The following ZNF777 variants were observed in gnomAD, a reference collection of about 807,000 sequenced individuals.
The protein encoded by ZNF777 is zinc finger protein 777.
In ZNF777, 7 loss-of-function variants were observed where a neutral mutation model predicts 72.1. That is an observed-to-expected ratio of 0.10 (90% CI 0.06 to 0.18). The LOEUF is 0.18. ZNF777 is among the 10% of genes least tolerant of loss of function. ZNF777 has a pLI of 1.00. For synonymous variants in ZNF777, 545 were observed against 483.5 expected (o/e 1.13, Z -1.67); for missense variants, 828 against 1,128.6 (o/e 0.73, Z 3.82).
At chr7:149,454,268 C>T (rs760045552) in intron 2 of ZNF777, 31 bp from the exon 3 acceptor site, 8 of 1,612,748 alleles carry the variant, frequency 5.0e-6, no homozygotes, top group African/African-American at 4.0e-5. Flanking sequence ...GGCTCAGACC[C>T]GCTGGAAGGC....
chr7:149,442,676 G>C (rs1023515996), intron 4 of ZNF777, among the ~76,000 whole-genome samples: 4 of 150,328 alleles, frequency 2.7e-5, no homozygotes, highest in Non-Finnish European at 4.4e-5. Flanking sequence ...CATACTGTTA[G>C]ACAAGAGCTA....
Position 149,436,902 on chromosome 7 carries a change from C to T in ZNF777, c.1088-76G>A. 2 of 1,526,272 alleles carry T rather than the reference C, an allele frequency of 1.3e-6. No homozygotes were observed. Among genetic ancestry groups the T allele is most frequent in the South Asian group, 2.5e-5 (2 of 79,812 alleles). 94.5% of individuals were successfully genotyped at this position (1,526,272 alleles called of 1,614,324 possible). A position where few individuals can be genotyped will look rare whatever the true frequency, so the allele number is the denominator to read the frequency against. ...ATGCCAACTGCCCAGGTTTCTGCAG[C>T]CCTACAATTTACATCTCAATAAGTC... On this transcript the variant is annotated intron_variant, in intron 4 of 5. Coordinates refer to ENST00000247930, the MANE Select transcript of ZNF777 (RefSeq NM_015694.3). The surrounding 1 kb of genome is among the most constrained non-coding windows in gnomAD (Gnocchi z 5.0).
intron 4 of ZNF777, among the ~76,000 whole-genome samples, chr7:149,449,820 C>T (rs1799682343): frequency 6.6e-6 from 1 of 152,176 alleles, no homozygotes; most frequent in African/African-American, 2.4e-5. Flanking sequence ...TAGCCCCTCT[C>T]CTCGAGTTAA....
Position 149,455,061 on chromosome 7 carries a change from G to A in ZNF777, c.846+116C>T. On this transcript the variant is annotated intron_variant, in intron 2 of 5. Coordinates refer to ENST00000247930, the MANE Select transcript of ZNF777 (RefSeq NM_015694.3). The surrounding 1 kb of genome is among the most constrained non-coding windows in gnomAD (Gnocchi z 4.2). ...GATTTTGGCATGTCCTAGCAACTGG[G>A]ATCACTGTATTTTTTCCTTTATCAA... The A allele has an allele frequency of 7.0e-6, 9 of 1,292,142 alleles. No individual in the cohort carries two copies. Among genetic ancestry groups the A allele is most frequent in the Non-Finnish European group, 9.6e-6 (9 of 937,474 alleles). 80.0% of individuals were successfully genotyped at this position (1,292,142 alleles called of 1,614,324 possible).
At chr7:149,445,899 T>G (rs116829665) in intron 4 of ZNF777, among the ~76,000 whole-genome samples, 5,589 of 152,232 alleles carry the variant, frequency 0.037, 249 homozygotes, top group African/African-American at 0.098. Flanking sequence ...TTTCCAGGGA[T>G]CCCTAGAGTC....
chr7:149,458,382 A>G (rs560584548), intron 1 of ZNF777, among the ~76,000 whole-genome samples: 5 of 152,186 alleles, frequency 3.3e-5, no homozygotes, highest in Non-Finnish European at 5.9e-5. Flanking sequence ...TAGGCACATT[A>G]CAGCCCTTGC....
intron 1 of ZNF777, among the ~76,000 whole-genome samples, chr7:149,457,689 T>C (rs1326363093): frequency 2.6e-5 from 4 of 152,226 alleles, no homozygotes; most frequent in Non-Finnish European, 4.4e-5. Flanking sequence ...TTTGAGATAG[T>C]ATCGTCTAAT....
chr7:149,460,035 T>A lies in ZNF777; in HGVS notation c.-16+780A>T, dbSNP rs1799916215. 1 of 977,284 alleles carries A rather than the reference T, an allele frequency of 1.0e-6. No individual in the cohort carries two copies. Among genetic ancestry groups the A allele is most frequent in the Admixed American group, 6.3e-5 (1 of 15,834 alleles). The allele number at this position is 977,284 out of a possible 1,614,324, so 60.5% of individuals were successfully genotyped here. ...GTAGCGTTTCTGCCCCTTACCGAGA[T>A]CCCAGGCCGGGCCGCCGAGCCCGGG... is the stretch of plus-strand genomic sequence containing the variant. On this transcript the variant is annotated intron_variant, in intron 1 of 5. Coordinates refer to ENST00000247930, the MANE Select transcript of ZNF777 (RefSeq NM_015694.3). This position sits in a 1 kb window ranked among gnomAD's most constrained non-coding sequence, Gnocchi z 6.1.
At position 149,436,718 on chromosome 7, in the gene ZNF777, T is replaced by C; in HGVS notation, c.1196A>G (p.Gln399Arg). ...LMGQVEEHGF[Q>R]DSELGDPCGE... ...ACAGGGGTCACCCAGCTCTGAGTCC[T>C]GGAAGCCGTGCTCTTCCACCTGTCC... The change falls in exon 5 of 6, where the codon CAG becomes CGG. Residue 399 changes from glutamine to arginine, a missense_variant. By Grantham distance (43) the Gln-to-Arg change is conservative. Around this residue, in one of 12 missense-constraint regions of ZNF777, gnomAD observed 219 missense variants for 223.0 expected, o/e 0.98. Transcript: ENST00000247930. This position sits in a 1 kb window ranked among gnomAD's most constrained non-coding sequence, Gnocchi z 5.0. 1.2e-6 allele frequency: 2 copies of C among 1,614,162 alleles called. No individual in the cohort carries two copies. Among genetic ancestry groups the C allele is most frequent in the Non-Finnish European group, 1.7e-6 (2 of 1,180,032 alleles).
chr7:149,436,998 T>G lies in ZNF777; in HGVS notation c.1088-172A>C, dbSNP rs1585689192. Among the ~76,000 whole-genome samples, 1 of 152,200 alleles carries G rather than the reference T, an allele frequency of 6.6e-6. No homozygotes were observed. Among genetic ancestry groups the G allele is most frequent in the African/African-American group, 2.4e-5 (1 of 41,432 alleles). Reference sequence around the variant, plus strand: ...GTAGACACAGAATTTTCTGGACACCTTGTAGCTTTGAATACCAATACAAAC... The same window carrying G: ...GTAGACACAGAATTTTCTGGACACCGTGTAGCTTTGAATACCAATACAAAC... On this transcript the variant is annotated intron_variant, in intron 4 of 5. Transcript: ENST00000247930. This position sits in a 1 kb window ranked among gnomAD's most constrained non-coding sequence, Gnocchi z 5.0.
At position 149,431,751 on chromosome 7, in the gene ZNF777, CGGGCGGCGGCGGCGG is replaced by C; in HGVS notation, c.*10_*24del. ...GGGGGGCACGGCCCGCGCACCTGGC[CGGGCGGCGGCGGCGG>C]GGCGCGCGCTCACTCGCCCGTGTGG... On this transcript the variant is annotated 3_prime_UTR_variant, in exon 6 of 6. Transcript: ENST00000247930. 1 of 1,421,126 alleles carries C rather than the reference CGGGCGGCGGCGGCGG, an allele frequency of 7.0e-7. No individual in the cohort carries two copies. Among genetic ancestry groups the C allele is most frequent in the South Asian group, 1.4e-5 (1 of 69,228 alleles). 88.0% of individuals were successfully genotyped at this position (1,421,126 alleles called of 1,614,324 possible). A position where few individuals can be genotyped will look rare whatever the true frequency, so the allele number is the denominator to read the frequency against.
At chr7:149,446,330 C>T (rs1232194692) in intron 4 of ZNF777, among the ~76,000 whole-genome samples, 1 of 151,952 alleles carries the variant, frequency 6.6e-6, no homozygotes, top group Admixed American at 6.6e-5. Flanking sequence ...GAGCCAAGAT[C>T]GCGCCATTGC....
chr7:149,432,774 C>T lies in ZNF777; in HGVS notation c.1498G>A (p.Glu500Lys), dbSNP rs1289229346. 1.2e-6 allele frequency: 2 copies of T among 1,609,768 alleles called. No individual in the cohort carries two copies. Among genetic ancestry groups the T allele is most frequent in the African/African-American group, 1.3e-5 (1 of 74,902 alleles). The change falls in exon 6 of 6, where the codon GAG becomes AAG. Residue 500 changes from glutamate (E) to lysine (K), a missense_variant. Physicochemically the swap from Glu to Lys is moderately conservative, Grantham distance 56 (BLOSUM62 1). Transcript: ENST00000247930. Reference sequence around the variant, plus strand: ...AGCTGCAGGGGCGGGGGGCTCTCCTCGCCCTCGGGGGACATCTCCCCGGGC... The same window carrying T: ...AGCTGCAGGGGCGGGGGGCTCTCCTTGCCCTCGGGGGACATCTCCCCGGGC... ...PLPGEMSPEG[E>K]ESPPPLQLGN... is the part of the protein sequence containing the mutation.
rs148443446 is a variant in ZNF777, at chr7:149,431,633, G to A, written c.*143C>T. Reference sequence around the variant, plus strand: ...GGTCTCACTGCCCCCATGTCCTTGGGAGGAGGGACGAGAGGAGAGGGGGAG... The same window carrying A: ...GGTCTCACTGCCCCCATGTCCTTGGAAGGAGGGACGAGAGGAGAGGGGGAG... On this transcript the variant is annotated 3_prime_UTR_variant, in exon 6 of 6. Transcript: ENST00000247930. 1.2e-6 allele frequency: 1 copy of A among 829,260 alleles called. No individual in the cohort carries two copies. Among genetic ancestry groups the A allele is most frequent in the Non-Finnish European group, 1.7e-6 (1 of 595,764 alleles). The allele number at this position is 829,260 out of a possible 1,614,324, so 51.4% of individuals were successfully genotyped here.
At position 149,432,935 on chromosome 7, in the gene ZNF777, G is replaced by A; in HGVS notation, c.1340-3C>T. On this transcript the variant is annotated splice_region_variant and splice_polypyrimidine_tract_variant and intron_variant, in intron 5 of 5. Coordinates refer to ENST00000247930, the MANE Select transcript of ZNF777 (RefSeq NM_015694.3). ...CTCTGTCTTGATCACGATCCCCTCT[G>A]CTCCAGGGACAGAGAGAGAAAGTCG... 6.8e-7 allele frequency: 1 copy of A among 1,464,918 alleles called. No homozygotes were observed. Among genetic ancestry groups the A allele is most frequent in the South Asian group, 1.4e-5 (1 of 69,038 alleles). 90.7% of individuals were successfully genotyped at this position (1,464,918 alleles called of 1,614,324 possible).
rs560714169 is a variant in ZNF777 at position 149,444,612 on chromosome 7, T to C, written c.1087+6387A>G. ...TTGTGGAGACTTGAATATCTCAAAATGACTCAGTTTCACTCATATTTAATC... is the reference window on the plus strand; with the variant it reads ...TTGTGGAGACTTGAATATCTCAAAACGACTCAGTTTCACTCATATTTAATC... On this transcript the variant is annotated intron_variant, in intron 4 of 5. Coordinates refer to ENST00000247930, the MANE Select transcript of ZNF777 (RefSeq NM_015694.3). 1.4e-3 allele frequency among the ~76,000 whole-genome samples: 207 copies of C among 152,344 alleles called. 1 individual carries two copies. Among genetic ancestry groups the C allele is most frequent in the Middle Eastern group, 6.8e-3 (2 of 294 alleles).
chr7:149,444,993 T>C (rs968507185), intron 4 of ZNF777, among the ~76,000 whole-genome samples: 18 of 152,190 alleles, frequency 1.2e-4, no homozygotes, highest in African/African-American at 4.1e-4. Context: ...GATATTCCTA[T>C]TATCTGGATG....
chr7:149,457,022 G>A (rs1799847357), intron 1 of ZNF777, among the ~76,000 whole-genome samples: 2 of 152,174 alleles, frequency 1.3e-5, no homozygotes, highest in South Asian at 4.1e-4. Flanking sequence ...TTCCGACATG[G>A]GGAATGAGGA....
intron 4 of ZNF777, among the ~76,000 whole-genome samples, chr7:149,448,048 C>T (rs6973105): frequency 0.2 from 29,664 of 152,092 alleles, 3,807 homozygotes; most frequent in East Asian, 0.49. Context: ...TAGTGTGTAA[C>T]AGTCTATCAT....
Sources: allele counts gnomAD v4.1 joint callset (sites outside exome capture counted in the v4.1 genomes callset), GRCh38; gene constraint gnomAD v4.1.1; regional missense constraint gnomAD v4.1.1; non-coding constraint Gnocchi (gnomAD v3.1); transcripts MANE v1.5; gene names NCBI Gene and HGNC (gene_info 2026-07-23, HGNC 2026-07-21).